Variants in PDZRN4 observed in about 807,000 individuals in gnomAD.
The protein encoded by PDZRN4 is PDZ domain containing ring finger 4.
PDZRN4 carries 70 observed loss-of-function variants against 99.0 expected under a neutral mutation model. The observed-to-expected ratio is 0.71, with a 90% CI of 0.58 to 0.86. The LOEUF (loss-of-function observed/expected upper bound fraction) is 0.86. Among genes scored for constraint, PDZRN4 ranks in the 40% least tolerant of loss-of-function variants. PDZRN4 has a pLI of 0.00. For missense variants in PDZRN4, 1,474 were observed against 1,331.2 expected, an observed-to-expected ratio of 1.11 and a Z score of -1.67; for synonymous variants, 551 against 501.6, an observed-to-expected ratio of 1.10 and a Z score of -1.32.
intron 5 of PDZRN4, among the ~76,000 whole-genome samples, chr12:41,530,166 A>G (rs188184450): frequency 1.1e-4 from 17 of 152,364 alleles, no homozygotes; most frequent in Non-Finnish European, 1.6e-4. Flanking sequence ...TTGAACAAAG[A>G]TTCAGTGAAT....
chr12:41,447,842 A>C (rs752262929), intron 3 of PDZRN4, among the ~76,000 whole-genome samples: 2 of 152,282 alleles, frequency 1.3e-5, no homozygotes, highest in East Asian at 3.9e-4. Flanking sequence ...ACTTACCCAT[A>C]AATTTTGAAT....
At chr12:41,441,065 T>A (rs1251842989) in intron 3 of PDZRN4, among the ~76,000 whole-genome samples, 1 of 152,164 alleles carries the variant, frequency 6.6e-6, no homozygotes, top group African/African-American at 2.4e-5. Flanking sequence ...CCAGTGTAAC[T>A]TTTTGATTGA....
intron 3 of PDZRN4, among the ~76,000 whole-genome samples, chr12:41,204,172 A>G (rs931043243): frequency 2.6e-5 from 4 of 151,976 alleles, no homozygotes; most frequent in Non-Finnish European, 4.4e-5. Flanking sequence ...GAGGTTATGT[A>G]TCCTTTCTTT....
chr12:41,493,895 A>C, intron 3 of PDZRN4, among the ~76,000 whole-genome samples: 1 of 127,578 alleles, frequency 7.8e-6, no homozygotes, highest in Non-Finnish European at 1.7e-5. Flanking sequence ...TATATTAAAA[A>C]AATAATGGGG....
At chr12:41,536,616 A>G (rs181570064) in intron 5 of PDZRN4, among the ~76,000 whole-genome samples, 14 of 152,288 alleles carry the variant, frequency 9.2e-5, no homozygotes, top group Non-Finnish European at 1.5e-4. Context: ...TTTATCAACT[A>G]TTACAAATAT....
chr12:41,496,506 C>T (rs1938007286), intron 3 of PDZRN4, among the ~76,000 whole-genome samples: 1 of 152,042 alleles, frequency 6.6e-6, no homozygotes, highest in Admixed American at 6.6e-5. Context: ...GTGTTTAGGC[C>T]CAGTTCTGAG....
chr12:41,310,024 C>T (rs57300848), intron 3 of PDZRN4, among the ~76,000 whole-genome samples: 2,418 of 152,168 alleles, frequency 0.016, 63 homozygotes, highest in African/African-American at 0.055. Context: ...CCTCTGTCTC[C>T]TGGCTTCAAG....
chr12:41,311,296 C>T (rs919993813), intron 3 of PDZRN4, among the ~76,000 whole-genome samples: 1 of 151,584 alleles, frequency 6.6e-6, no homozygotes, highest in African/African-American at 2.4e-5. Flanking sequence ...AAAAAAAAAT[C>T]CCCGTTAAAG....
At chr12:41,212,263 G>T (rs1398494151) in intron 3 of PDZRN4, among the ~76,000 whole-genome samples, 1 of 151,972 alleles carries the variant, frequency 6.6e-6, no homozygotes, top group African/African-American at 2.4e-5. Flanking sequence ...CAATATCAAT[G>T]CAATATTTTA....
chr12:41,196,767 A>G (rs2120649964), intron 3 of PDZRN4, among the ~76,000 whole-genome samples: 1 of 152,234 alleles, frequency 6.6e-6, no homozygotes, highest in Middle Eastern at 3.4e-3. Context: ...AATTGAGAAG[A>G]AATCTATCAA....
chr12:41,427,808 G>A (rs74078832), intron 3 of PDZRN4, among the ~76,000 whole-genome samples: 5,748 of 152,172 alleles, frequency 0.038, 166 homozygotes, highest in African/African-American at 0.086. Context: ...AAAACTTCAG[G>A]TCCTGACCAC....
intron 3 of PDZRN4, among the ~76,000 whole-genome samples, chr12:41,404,989 T>C (rs1952334339): frequency 6.6e-6 from 1 of 152,060 alleles, no homozygotes. Flanking sequence ...GATTTAAATG[T>C]AATACCCCAA....
intron 3 of PDZRN4, among the ~76,000 whole-genome samples, chr12:41,236,909 G>A (rs1951071635): frequency 1.3e-5 from 2 of 151,982 alleles, no homozygotes; most frequent in South Asian, 4.2e-4. Flanking sequence ...TTTTATGTGT[G>A]GGGTTTATTG....
chr12:41,571,376 T>TCTCTCTCTCTCTCA (rs1303597271), intron 9 of PDZRN4, among the ~76,000 whole-genome samples: 26 of 65,584 alleles, frequency 4.0e-4, no homozygotes, highest in Middle Eastern at 9.1e-3. Context: ...TCTCTCTCTC[T>TCTCTCTCTCTCTCA]CACACACACA....
intron 5 of PDZRN4, among the ~76,000 whole-genome samples, chr12:41,513,644 C>T (rs2120693536): frequency 6.6e-6 from 1 of 152,092 alleles, no homozygotes; most frequent in Admixed American, 6.6e-5. Context: ...ATTTTTCCCC[C>T]TAGAGCCAGC....
At chr12:41,283,089 G>GTT (rs35659657) in intron 3 of PDZRN4, among the ~76,000 whole-genome samples, 27 of 151,420 alleles carry the variant, frequency 1.8e-4, no homozygotes, top group East Asian at 1.7e-3. Context: ...TCCAGGGGCT[G>GTT]TTTTTTTTAA....
chr12:41,523,549 G>T (rs187728154), intron 5 of PDZRN4, among the ~76,000 whole-genome samples: 1 of 152,092 alleles, frequency 6.6e-6, no homozygotes, highest in South Asian at 2.1e-4. Context: ...CACCTAGTTC[G>T]TATTAGAGAC....
chr12:41,290,087 T>C (rs1475868948), intron 3 of PDZRN4, among the ~76,000 whole-genome samples: 2 of 152,194 alleles, frequency 1.3e-5, no homozygotes, highest in African/African-American at 2.4e-5. Flanking sequence ...TTTAGGTTCA[T>C]GTGTAGTTGG....
Position 41,346,415 on chromosome 12 carries a change from T to C in PDZRN4, c.843+152227T>C, listed in dbSNP as rs539478609. ...AGGCGGAGCTTGCAGTGAGCCGAGA[T>C]AGCGCCACTGCAGTCAGGCCTGGGT... On this transcript the variant is annotated intron_variant, in intron 3 of 9. Transcript: ENST00000402685. 2.0e-5 allele frequency among the ~76,000 whole-genome samples: 3 copies of C among 152,226 alleles called. No homozygotes were observed. In the East Asian group the frequency reaches 5.8e-4, roughly 29 times the overall value.
Sources: allele counts gnomAD v4.1 joint callset (sites outside exome capture counted in the v4.1 genomes callset), GRCh38; gene constraint gnomAD v4.1.1; transcripts MANE v1.5; gene names NCBI Gene and HGNC (gene_info 2026-07-23, HGNC 2026-07-21).